SCTR: variants seen among roughly 807,000 people sequenced by gnomAD.
SCTR encodes the protein secretin receptor.
SCTR carries 56 observed loss-of-function variants against 60.8 expected under a neutral mutation model. The observed-to-expected ratio is 0.92, with a 90% CI of 0.74 to 1.15. SCTR has a LOEUF of 1.15. Among genes scored for constraint, SCTR ranks in the 50% most tolerant of loss-of-function variants. SCTR has a pLI of 0.00. For synonymous variants in SCTR, 202 were observed against 217.0 expected (o/e 0.93, Z 0.61); for missense variants, 562 against 550.4 (o/e 1.02, Z -0.21).
intron 1 of SCTR, among the ~76,000 whole-genome samples, chr2:119,510,401 G>T: frequency 6.6e-6 from 1 of 152,238 alleles, no homozygotes; most frequent in East Asian, 1.9e-4. Context: ...GGTGGTGACC[G>T]GCAAAGAGGG....
chr2:119,452,136 C>A (rs1683197756), intron 8 of SCTR, 57 bp from the exon 9 acceptor site: 2 of 1,070,454 alleles, frequency 1.9e-6, no homozygotes, highest in Non-Finnish European at 2.9e-6. Context: ...GCTGGGCTAA[C>A]CAGCAAGGAC....
chr2:119,461,758 A>G, intron 7 of SCTR, 89 bp downstream of exon 7: 1 of 809,386 alleles, frequency 1.2e-6, no homozygotes, highest in Non-Finnish European at 1.9e-6. Flanking sequence ...TTAAGTGTGG[A>G]GCTGGAACTA....
intron 1 of SCTR, among the ~76,000 whole-genome samples, chr2:119,505,743 T>C (rs1678719805): frequency 6.6e-6 from 1 of 150,424 alleles, no homozygotes; most frequent in Non-Finnish European, 1.5e-5. Context: ...CTTTAGGAGA[T>C]ATACCTAATG....
chr2:119,492,951 G>C (rs373958293), intron 2 of SCTR, among the ~76,000 whole-genome samples: 1 of 151,760 alleles, frequency 6.6e-6, no homozygotes, highest in Admixed American at 6.6e-5. Context: ...TCTACCTCCC[G>C]TGCTCAAGCG....
chr2:119,485,119 C>T (rs1677809618), intron 2 of SCTR, among the ~76,000 whole-genome samples: 1 of 152,238 alleles, frequency 6.6e-6, no homozygotes, highest in South Asian at 2.1e-4. Context: ...GGCGAGATCC[C>T]CCTGAACGTG....
chr2:119,492,583 A>G (rs908697891), intron 2 of SCTR, among the ~76,000 whole-genome samples: 2 of 152,204 alleles, frequency 1.3e-5, no homozygotes, highest in Non-Finnish European at 2.9e-5. Context: ...ACCATTAACC[A>G]TTTAAAGTGT....
Position 119,444,997 on chromosome 2 carries a change from A to G in SCTR, c.1140+1762T>C, listed in dbSNP as rs973264446. Among the ~76,000 whole-genome samples, 3 of 148,152 alleles carry G rather than the reference A, an allele frequency of 2.0e-5. 1 individual carries two copies. The highest frequency in any genetic ancestry group is 4.5e-5 in the Non-Finnish European group (3 of 67,308). On this transcript the variant is annotated intron_variant, in intron 11 of 12. Transcript: ENST00000019103. ...TATACATATATTCGTACGAATATAT[A>G]TACATATATATGTATAAAACTTTAA...
chr2:119,509,829 C>G (rs1021971345), intron 1 of SCTR, among the ~76,000 whole-genome samples: 6 of 152,066 alleles, frequency 3.9e-5, no homozygotes, highest in African/African-American at 1.4e-4. Flanking sequence ...TTTCCCCAGC[C>G]CCTGGTAACC....
chr2:119,477,273 G>A (rs533817860), intron 3 of SCTR, among the ~76,000 whole-genome samples: 12 of 152,240 alleles, frequency 7.9e-5, no homozygotes, highest in Non-Finnish European at 1.6e-4. Context: ...TCCCAGGCCC[G>A]CCCCTTATGA....
At chr2:119,451,024 A>G (rs1683145054) in intron 9 of SCTR, among the ~76,000 whole-genome samples, 1 of 151,790 alleles carries the variant, frequency 6.6e-6, no homozygotes, top group Admixed American at 6.5e-5. Context: ...TATGTAATTA[A>G]AAAAGAATAA....
intron 7 of SCTR, among the ~76,000 whole-genome samples, chr2:119,456,001 C>A (rs2104784002): frequency 6.6e-6 from 1 of 151,688 alleles, no homozygotes; most frequent in Admixed American, 6.6e-5. Context: ...CATGGCACAT[C>A]CCATAACACT....
chr2:119,456,654 C>T (rs1248930960), intron 7 of SCTR, among the ~76,000 whole-genome samples: 3 of 152,090 alleles, frequency 2.0e-5, no homozygotes, highest in African/African-American at 4.8e-5. Context: ...GGCAAGTATA[C>T]CAGGTTGAAT....
chr2:119,441,676 TC>T, intron 11 of SCTR, 77 bp from the exon 12 acceptor site: 1 of 1,225,216 alleles, frequency 8.2e-7, no homozygotes, highest in Non-Finnish European at 1.2e-6. Context: ...AGCTGCACCC[TC>T]CCCAGGTCTC....
At chr2:119,473,612 A>C in intron 3 of SCTR, 56 bp from the exon 4 acceptor site, 1 of 1,058,506 alleles carries the variant, frequency 9.4e-7, no homozygotes, top group South Asian at 1.3e-5. Context: ...TGTGATTTTC[A>C]TAGTAACATC....
intron 4 of SCTR, among the ~76,000 whole-genome samples, chr2:119,473,214 C>G (rs1247399257): frequency 6.6e-6 from 1 of 152,130 alleles, no homozygotes; most frequent in Non-Finnish European, 1.5e-5. Context: ...TGCGACAGTT[C>G]CTACCTGTGC....
intron 4 of SCTR, among the ~76,000 whole-genome samples, chr2:119,469,956 T>G (rs1413873429): frequency 6.6e-6 from 1 of 152,254 alleles, no homozygotes; most frequent in Non-Finnish European, 1.5e-5. Flanking sequence ...TCACAGACAT[T>G]TTTTGTTAAG....
chr2:119,516,875 C>T (rs2104952350), intron 1 of SCTR, among the ~76,000 whole-genome samples: 1 of 152,272 alleles, frequency 6.6e-6, no homozygotes, highest in East Asian at 1.9e-4. Flanking sequence ...GGGAGGATCA[C>T]TTGAACCTCT....
intron 3 of SCTR, among the ~76,000 whole-genome samples, chr2:119,475,620 AGATG>A (rs1243871225): frequency 2.0e-5 from 3 of 146,966 alleles, no homozygotes; most frequent in South Asian, 2.1e-4. Flanking sequence ...ATATATATAT[AGATG>A]TAGATATTTA....
chr2:119,483,719 A>G (rs1323580944), intron 2 of SCTR, among the ~76,000 whole-genome samples: 1 of 152,202 alleles, frequency 6.6e-6, no homozygotes, highest in Non-Finnish European at 1.5e-5. Context: ...TATAGCTACT[A>G]TTGTTTAGGA....
Sources: gnomAD v4.1 joint callset for allele counts (sites outside exome capture counted in the v4.1 genomes callset) on GRCh38, gnomAD v4.1.1 for gene constraint, MANE v1.5 for transcripts, NCBI Gene and HGNC (gene_info 2026-07-23, HGNC 2026-07-21) for gene names.